CTDP1: variants seen among roughly 807,000 people sequenced by gnomAD.
The protein encoded by CTDP1 is CTD phosphatase 1.
A neutral mutation model predicts 91.8 loss-of-function variants in CTDP1; 47 were observed. That is an observed-to-expected ratio of 0.51 (90% confidence interval 0.41 to 0.65). The LOEUF (loss-of-function observed/expected upper bound fraction) is 0.65. Among genes scored for constraint, CTDP1 ranks in the 30% least tolerant of loss-of-function variants. The pLI, the probability that CTDP1 is intolerant of heterozygous loss-of-function variation, is 0.00. For synonymous variants in CTDP1, 656 were observed against 598.5 expected (o/e 1.10, Z -1.40); for missense variants, 1,272 against 1,373.7 (o/e 0.93, Z 1.17).
intron 4 of CTDP1, among the ~76,000 whole-genome samples, chr18:79,700,869 G>A (rs1007791549): frequency 1.3e-5 from 2 of 152,200 alleles, no homozygotes; most frequent in Non-Finnish European, 2.9e-5. Context: ...GTGACTTTAA[G>A]TTGAAGCCAG....
rs552494612 is a variant in CTDP1, at chr18:79,737,961, G to A, written c.2747+1440G>A. 2.0e-5 allele frequency among the ~76,000 whole-genome samples: 3 copies of A among 152,232 alleles called. No homozygotes were observed. The South Asian group carries it at 6.2e-4, about 32-fold the overall frequency. On this transcript the variant is annotated intron_variant, in intron 12 of 12. Transcript: ENST00000613122. Reference sequence around the variant, plus strand: ...TTGTTAGCTTTCTTCCTTTTTGCCTGTTTCTGAATCCCTGGCTGCCTCTCC... The same window carrying A: ...TTGTTAGCTTTCTTCCTTTTTGCCTATTTCTGAATCCCTGGCTGCCTCTCC...
In CTDP1 at chr18:79,695,311, A is replaced by G. The variant is rs1247850831; in HGVS notation, c.398+3A>G. 6 of 1,613,732 alleles carry G rather than the reference A, an allele frequency of 3.7e-6. No homozygotes were observed. Among genetic ancestry groups the G allele is most frequent in the East Asian group, 2.2e-5 (1 of 44,882 alleles). On this transcript the variant is annotated splice_donor_region_variant and intron_variant, in intron 2 of 12. Coordinates refer to ENST00000613122, the MANE Select transcript of CTDP1 (RefSeq NM_004715.5). ...GAATGTGGCCAAGACCTCACCCAGT[A>G]AGTATCCGGAAGAGTGAGATCGCTG...
chr18:79,710,366 A>C lies in CTDP1; in HGVS notation c.793A>C (p.Lys265Gln), dbSNP rs763928222. 45 of 1,613,956 alleles carry C rather than the reference A, an allele frequency of 2.8e-5. No individual in the cohort carries two copies. The highest frequency in any genetic ancestry group is 3.8e-5 in the Non-Finnish European group (45 of 1,179,940). ...TIAGFLDPEKKLFSHRILSRD... is the reference protein window; with the variant it reads ...TIAGFLDPEKQLFSHRILSRD... ...CCAAGGCTTTTTAGACCCCGAGAAG[A>C]AGCTTTTTTCTCACCGAATATTATC... Residue 265 changes from lysine to glutamine, a missense_variant, in exon 6 of 13, where the codon AAG becomes CAG. Lys to Gln is a moderately conservative substitution (Grantham distance 53). Around this residue, in one of 3 missense-constraint regions of CTDP1, gnomAD observed 177 missense variants for 283.0 expected, o/e 0.63. Coordinates refer to ENST00000613122, the MANE Select transcript of CTDP1 (RefSeq NM_004715.5).
Position 79,754,231 on chromosome 18 carries a change from C to T in CTDP1, c.*441C>T, listed in dbSNP as rs1248588252. The T allele has an allele frequency of 6.8e-5, 16 of 236,872 alleles. No homozygotes were observed. The highest frequency in any genetic ancestry group is 1.1e-4 in the Non-Finnish European group (13 of 117,832). The allele number at this position is 236,872 out of a possible 1,614,324, so 14.7% of individuals were successfully genotyped here. On this transcript the variant is annotated 3_prime_UTR_variant, in exon 13 of 13. Transcript: ENST00000613122. Reference sequence around the variant, plus strand: ...CCAGCACAGACATGCCTGGAACCCCCGCCGCCTGCTGCTCCCTCCTAGGGA... The same window carrying T: ...CCAGCACAGACATGCCTGGAACCCCTGCCGCCTGCTGCTCCCTCCTAGGGA...
At chr18:79,744,650 G>A (rs780055378) in intron 12 of CTDP1, among the ~76,000 whole-genome samples, 4 of 152,206 alleles carry the variant, frequency 2.6e-5, no homozygotes, top group South Asian at 2.1e-4. Flanking sequence ...ATGGAATTAC[G>A]ATGCTAAGAG....
At chr18:79,690,135 C>T (rs991370533) in intron 1 of CTDP1, among the ~76,000 whole-genome samples, 5 of 152,292 alleles carry the variant, frequency 3.3e-5, no homozygotes, top group Admixed American at 6.5e-5. Flanking sequence ...AGGGAAGACC[C>T]TGGAGCCCTC....
At chr18:79,747,085 G>A (rs1274369243) in intron 12 of CTDP1, among the ~76,000 whole-genome samples, 1 of 152,176 alleles carries the variant, frequency 6.6e-6, no homozygotes, top group East Asian at 1.9e-4. Flanking sequence ...TTTAATGATT[G>A]CCCAATTTTA....
chr18:79,737,909 T>C (rs943412715), intron 12 of CTDP1, among the ~76,000 whole-genome samples: 1 of 152,210 alleles, frequency 6.6e-6, no homozygotes, highest in African/African-American at 2.4e-5. Flanking sequence ...ACATCTGTTT[T>C]ACCTGGATTT....
chr18:79,736,213 C>A, intron 11 of CTDP1, 142 bp from the exon 12 acceptor site: 1 of 1,094,772 alleles, frequency 9.1e-7, no homozygotes, highest in Admixed American at 2.0e-5. Flanking sequence ...TTTCAAGCCC[C>A]AGGGCTCAGG....
intron 10 of CTDP1, among the ~76,000 whole-genome samples, chr18:79,723,009 T>TGTG (rs1296426383): frequency 6.6e-6 from 1 of 152,206 alleles, no homozygotes; most frequent in African/African-American, 2.4e-5. Context: ...GCCTGCCCAG[T>TGTG]TCCCTGCACT....
intron 12 of CTDP1, among the ~76,000 whole-genome samples, chr18:79,751,449 C>T (rs560431187): frequency 2.6e-5 from 4 of 152,256 alleles, no homozygotes; most frequent in Middle Eastern, 3.4e-3. Context: ...TTCTCTCATG[C>T]GGTATTTCCT....
rs1255201176 is a variant in CTDP1 at position 79,695,112 on chromosome 18, C to T, written c.315-113C>T. ...GATGTCACCTGCCTACAAAGTTATG[C>T]AAGGGTTAGTGTAGAATTGGTACAA... is the stretch of plus-strand genomic sequence containing the variant. On this transcript the variant is annotated intron_variant, in intron 1 of 12. Transcript: ENST00000613122. 4 of 923,638 alleles carry T rather than the reference C, an allele frequency of 4.3e-6. No homozygotes were observed. In the South Asian group the frequency reaches 5.5e-5, roughly 13 times the overall value. The allele number at this position is 923,638 out of a possible 1,614,324, so 57.2% of individuals were successfully genotyped here.
chr18:79,718,832 G>A (rs934671418), intron 10 of CTDP1, among the ~76,000 whole-genome samples: 5 of 152,202 alleles, frequency 3.3e-5, no homozygotes, highest in Admixed American at 6.5e-5. Flanking sequence ...CCTGGAAGCC[G>A]TCTGACAGGT....
intron 5 of CTDP1, among the ~76,000 whole-genome samples, chr18:79,706,829 C>A (rs1004684625): frequency 6.6e-6 from 1 of 152,244 alleles, no homozygotes; most frequent in African/African-American, 2.4e-5. Context: ...GGGAGGGTGA[C>A]GGGTTTGCCT....
At chr18:79,719,760 C>T (rs2086296845) in intron 10 of CTDP1, among the ~76,000 whole-genome samples, 1 of 147,598 alleles carries the variant, frequency 6.8e-6, no homozygotes, top group African/African-American at 2.5e-5. Context: ...GTGATGCTGT[C>T]ACCTCCCATC....
chr18:79,697,437 TGGAAGGTTCTGAGCGC>T (rs2085770117), intron 3 of CTDP1, among the ~76,000 whole-genome samples: 1 of 152,204 alleles, frequency 6.6e-6, no homozygotes, highest in South Asian at 2.1e-4. Flanking sequence ...AGGCTGAGCG[TGGAAGGTTCTGAGCGC>T]GGGAGATTCT....
At chr18:79,682,297 A>T (rs1037644243) in intron 1 of CTDP1, among the ~76,000 whole-genome samples, 1 of 152,206 alleles carries the variant, frequency 6.6e-6, no homozygotes, top group East Asian at 1.9e-4. Context: ...TACTAGATTC[A>T]GTCACTTGTT....
At chr18:79,717,271 G>T (rs1193533252) in intron 8 of CTDP1, among the ~76,000 whole-genome samples, 2 of 150,040 alleles carry the variant, frequency 1.3e-5, no homozygotes, top group Non-Finnish European at 3.0e-5. Flanking sequence ...CTGGGTGAAG[G>T]CCCTGAGTCC....
intron 10 of CTDP1, among the ~76,000 whole-genome samples, chr18:79,727,244 G>T (rs980455469): frequency 6.6e-6 from 1 of 152,246 alleles, no homozygotes; most frequent in Non-Finnish European, 1.5e-5. Flanking sequence ...TAACAGTGCA[G>T]TTGGCCCTTT....
Sources: allele counts gnomAD v4.1 joint callset (sites outside exome capture counted in the v4.1 genomes callset), GRCh38; gene constraint gnomAD v4.1.1; regional missense constraint gnomAD v4.1.1; transcripts MANE v1.5; gene names NCBI Gene and HGNC (gene_info 2026-07-23, HGNC 2026-07-21).